The following ZNF654 variants were observed in gnomAD, a reference collection of about 807,000 sequenced individuals.
The protein encoded by ZNF654 is melanoma-associated antigen.
Under a neutral mutation model 95.3 loss-of-function variants are expected in ZNF654, and 19 were observed. The observed-to-expected ratio is 0.20, with a 90% CI of 0.14 to 0.29. The LOEUF (loss-of-function observed/expected upper bound fraction) is 0.29. Among genes scored for constraint, ZNF654 ranks in the 10% least tolerant of loss-of-function variants. The pLI, the probability that ZNF654 is intolerant of heterozygous loss-of-function variation, is 1.00. For missense variants in ZNF654, 1,046 were observed against 1,341.0 expected, an observed-to-expected ratio of 0.78 and a Z score of 3.44; for synonymous variants, 413 against 457.9, an observed-to-expected ratio of 0.90 and a Z score of 1.25.
At chr3:88,059,651 T>G in intron 1 of ZNF654, 146 bp downstream of exon 1, 2 of 1,011,100 alleles carry the variant, frequency 2.0e-6, no homozygotes, top group Non-Finnish European at 2.5e-6. Context: ...CCTCCTCCAC[T>G]TATCCGGCTT....
chr3:88,122,176 T>G (rs1426804597), intron 3 of ZNF654, among the ~76,000 whole-genome samples: 1 of 152,110 alleles, frequency 6.6e-6, no homozygotes, highest in Non-Finnish European at 1.5e-5. Context: ...AAGATAGGAT[T>G]TAGATACGTT....
rs558608255 is a variant in ZNF654 at position 88,087,749 on chromosome 3, CATTT to C, written c.332+1353_332+1356del. 1.3e-3 allele frequency among the ~76,000 whole-genome samples: 195 copies of C among 152,216 alleles called. 1 individual carries two copies. Among genetic ancestry groups the C allele is most frequent in the Non-Finnish European group, 3.4e-4 (23 of 68,014 alleles). ...ATAGGATAAGTATTATTATGTGAAA[CATTT>C]ATTTAGGGGAGAATGCAGATAAATT... On this transcript the variant is annotated intron_variant, in intron 2 of 8. Coordinates refer to ENST00000636215, the MANE Select transcript of ZNF654 (RefSeq NM_001350134.2).
At chr3:88,085,616 C>T (rs1708299038) in intron 1 of ZNF654, among the ~76,000 whole-genome samples, 1 of 152,086 alleles carries the variant, frequency 6.6e-6, no homozygotes, top group South Asian at 2.1e-4. Flanking sequence ...TCATAAATTA[C>T]CCCAATTTGG....
At chr3:88,061,860 G>T (rs532634807) in intron 1 of ZNF654, among the ~76,000 whole-genome samples, 1 of 152,224 alleles carries the variant, frequency 6.6e-6, no homozygotes, top group Non-Finnish European at 1.5e-5. Context: ...TGCAGTTGGG[G>T]TATGTGACAG....
intron 1 of ZNF654, among the ~76,000 whole-genome samples, chr3:88,084,455 A>G (rs756652663): frequency 1.3e-5 from 2 of 152,168 alleles, no homozygotes; most frequent in Non-Finnish European, 2.9e-5. Flanking sequence ...TGTTTTTTCT[A>G]ACATTCCTCT....
intron 1 of ZNF654, among the ~76,000 whole-genome samples, chr3:88,062,208 T>C (rs77374603): frequency 2.6e-5 from 4 of 152,182 alleles, no homozygotes; most frequent in Non-Finnish European, 4.4e-5. Flanking sequence ...GGAAAGTAAC[T>C]TTTATGGAAG....
In ZNF654 at chr3:88,143,615, C is replaced by T. The variant is rs535799017; in HGVS notation, c.*1963C>T. 1 of 152,190 alleles carries T rather than the reference C, an allele frequency of 6.6e-6. No homozygotes were observed. The highest frequency in any genetic ancestry group is 2.1e-4 in the South Asian group (1 of 4,830). The allele number at this position is 152,190 out of a possible 1,614,324, so 9.4% of individuals were successfully genotyped here. On this transcript the variant is annotated 3_prime_UTR_variant, in exon 9 of 9. Coordinates refer to ENST00000636215, the MANE Select transcript of ZNF654 (RefSeq NM_001350134.2). ...ACAAGTTGTAACAATTGATATAAAT[C>T]CATGCCCACAAAGTATTCCATTTTC...
chr3:88,106,758 G>C (rs1424225099), intron 2 of ZNF654, among the ~76,000 whole-genome samples: 1 of 152,070 alleles, frequency 6.6e-6, no homozygotes, highest in Admixed American at 6.6e-5. Context: ...TATTGCTTCT[G>C]AGTTTCTTAT....
intron 6 of ZNF654, among the ~76,000 whole-genome samples, chr3:88,130,538 A>G (rs1281010259): frequency 6.6e-6 from 1 of 151,672 alleles, no homozygotes; most frequent in Non-Finnish European, 1.5e-5. Flanking sequence ...TGCAGCCTCA[A>G]CTTCTGGGCT....
rs1377049050 is a variant in ZNF654, at chr3:88,143,036, A to G, written c.*1384A>G. On this transcript the variant is annotated 3_prime_UTR_variant, in exon 9 of 9. Coordinates refer to ENST00000636215, the MANE Select transcript of ZNF654 (RefSeq NM_001350134.2). Reference sequence around the variant, plus strand: ...TAACAAAAAGGCAGTGTTTCAAAACAGATCTCCTAATGTCCCAATGTCAAA... The same window carrying G: ...TAACAAAAAGGCAGTGTTTCAAAACGGATCTCCTAATGTCCCAATGTCAAA... 1 of 152,322 alleles carries G rather than the reference A, an allele frequency of 6.6e-6. No individual in the cohort carries two copies. The highest frequency in any genetic ancestry group is 1.9e-4 in the East Asian group (1 of 5,192). 9.4% of individuals were successfully genotyped at this position (152,322 alleles called of 1,614,324 possible).
intron 1 of ZNF654, among the ~76,000 whole-genome samples, chr3:88,076,505 A>G (rs1707809572): frequency 6.6e-6 from 1 of 152,012 alleles, no homozygotes; most frequent in African/African-American, 2.4e-5. Context: ...CTTTTATCTT[A>G]ATCAGTATGC....
At chr3:88,084,589 T>C (rs1484078887) in intron 1 of ZNF654, among the ~76,000 whole-genome samples, 1 of 152,196 alleles carries the variant, frequency 6.6e-6, no homozygotes, top group East Asian at 1.9e-4. Context: ...CTTTTTTATC[T>C]GTATGTGTTC....
Position 88,138,888 on chromosome 3 carries a change from G to T in ZNF654, c.1219G>T (p.Ala407Ser), listed in dbSNP as rs757712233. The T allele has an allele frequency of 2.4e-6, 3 of 1,232,296 alleles. No homozygotes were observed. Among genetic ancestry groups the T allele is most frequent in the Non-Finnish European group, 3.0e-6 (3 of 988,242 alleles). 76.3% of individuals were successfully genotyped at this position (1,232,296 alleles called of 1,614,324 possible). A position where few individuals can be genotyped will look rare whatever the true frequency, so the allele number is the denominator to read the frequency against. The change falls in exon 8 of 9, where the codon GCG becomes TCG. Residue 407 changes from alanine to serine, a missense_variant. Transcript: ENST00000636215. ...SIFFLERSLEAYRTVEELYKR... is the reference protein window; with the variant it reads ...SIFFLERSLESYRTVEELYKR... ...ATTTTTTCTGGAGCGCTCCTTAGAA[G>T]CGTATCGTACTGTTGAAGAGCTTTA...
intron 2 of ZNF654, among the ~76,000 whole-genome samples, chr3:88,110,001 T>C (rs1029428528): frequency 6.6e-6 from 1 of 152,130 alleles, no homozygotes; most frequent in African/African-American, 2.4e-5. Flanking sequence ...GACATATGCA[T>C]AGCTGAGCAG....
intron 3 of ZNF654, among the ~76,000 whole-genome samples, chr3:88,116,842 C>G (rs773212287): frequency 6.6e-6 from 1 of 152,080 alleles, no homozygotes; most frequent in Non-Finnish European, 1.5e-5. Context: ...TTCTTCTTCT[C>G]TCTTTGTTTG....
At chr3:88,131,260 T>G (rs962977553) in intron 6 of ZNF654, among the ~76,000 whole-genome samples, 1 of 152,224 alleles carries the variant, frequency 6.6e-6, no homozygotes, top group Non-Finnish European at 1.5e-5. Flanking sequence ...TATAATCTTG[T>G]GTGACCACTG....
chr3:88,090,507 G>C, intron 2 of ZNF654, among the ~76,000 whole-genome samples: 1 of 151,904 alleles, frequency 6.6e-6, no homozygotes, highest in East Asian at 1.9e-4. Context: ...TTACAAAATA[G>C]TCAAAAAGTT....
At chr3:88,102,930 A>G (rs1035822166) in intron 2 of ZNF654, among the ~76,000 whole-genome samples, 12 of 149,262 alleles carry the variant, frequency 8.0e-5, no homozygotes, top group African/African-American at 3.0e-4. Flanking sequence ...GAATGGTCCC[A>G]TAACCCAGGT....
At chr3:88,064,434 C>T (rs1272704148) in intron 1 of ZNF654, among the ~76,000 whole-genome samples, 2 of 152,136 alleles carry the variant, frequency 1.3e-5, no homozygotes, top group African/African-American at 2.4e-5. Flanking sequence ...TCAGTGTCTT[C>T]AGAGAATTAG....
Sources: allele counts gnomAD v4.1 joint callset (sites outside exome capture counted in the v4.1 genomes callset), GRCh38; gene constraint gnomAD v4.1.1; transcripts MANE v1.5; gene names NCBI Gene and HGNC (gene_info 2026-07-23, HGNC 2026-07-21).